ADAMTS17: variants seen among roughly 807,000 people sequenced by gnomAD.
ADAMTS17 encodes the protein A disintegrin and metalloproteinase with thrombospondin motifs 17.
Under a neutral mutation model 141.5 loss-of-function variants are expected in ADAMTS17, and 113 were observed. That is an observed-to-expected ratio of 0.80 (90% CI 0.69 to 0.93). ADAMTS17 has a LOEUF of 0.93. ADAMTS17 is among the 40% of genes least tolerant of loss of function. The probability of loss-of-function intolerance (pLI) is 0.00; values close to 1 mark genes in which losing one functional copy is unlikely to be tolerated. For missense variants in ADAMTS17, 1,659 were observed against 1,517.9 expected (o/e 1.09, Z -1.54); for synonymous variants, 768 against 630.6 (o/e 1.22, Z -3.27).
intron 13 of ADAMTS17, among the ~76,000 whole-genome samples, chr15:100,112,319 G>C (rs895710975): frequency 8.5e-5 from 13 of 152,124 alleles, no homozygotes; most frequent in Non-Finnish European, 1.8e-4. Context: ...GGACACTCAG[G>C]CTCCAGAACA....
At chr15:100,219,421 T>C (rs1008519808) in intron 7 of ADAMTS17, among the ~76,000 whole-genome samples, 1 of 152,208 alleles carries the variant, frequency 6.6e-6, no homozygotes, top group African/African-American at 2.4e-5. Flanking sequence ...AAAAGCAATG[T>C]TTTTTCCTAC....
chr15:100,067,787 C>T (rs535913261), intron 15 of ADAMTS17, among the ~76,000 whole-genome samples: 49 of 152,230 alleles, frequency 3.2e-4, no homozygotes, highest in African/African-American at 1.1e-3. Flanking sequence ...CCAAGATGGC[C>T]GAATAGGAAC....
At chr15:100,110,087 A>G (rs57545798) in intron 13 of ADAMTS17, among the ~76,000 whole-genome samples, 46,583 of 150,284 alleles carry the variant, frequency 0.31, 7,147 homozygotes, top group East Asian at 0.37. Flanking sequence ...GGGTCTGTGA[A>G]CTCTTAGAGG....
At chr15:100,231,065 G>A (rs1236584809) in intron 7 of ADAMTS17, among the ~76,000 whole-genome samples, 4 of 152,360 alleles carry the variant, frequency 2.6e-5, no homozygotes, top group Non-Finnish European at 5.9e-5. Context: ...AACACAGAGA[G>A]AGCGCCTGCA....
intron 3 of ADAMTS17, among the ~76,000 whole-genome samples, chr15:100,311,012 C>G (rs566049639): frequency 3.3e-5 from 5 of 152,352 alleles, no homozygotes; most frequent in Admixed American, 3.3e-4. Flanking sequence ...AGACTTTCTG[C>G]TAGGCTTTTC....
rs562711203 is a variant in ADAMTS17 at position 100,173,000 on chromosome 15, T to C, written c.1182-17680A>G. Among the ~76,000 whole-genome samples the C allele has an allele frequency of 5.3e-5, 8 of 152,184 alleles. No individual in the cohort carries two copies. In the South Asian group the frequency reaches 1.7e-3, roughly 32 times the overall value. Reference sequence around the variant, plus strand: ...GTGCTTCTCAAACTTCTGTGCACATTAGAATCTCCTGGAAGGCTTGGGAAA... The same window carrying C: ...GTGCTTCTCAAACTTCTGTGCACATCAGAATCTCCTGGAAGGCTTGGGAAA... On this transcript the variant is annotated intron_variant, in intron 8 of 21. Coordinates refer to ENST00000268070, the MANE Select transcript of ADAMTS17 (RefSeq NM_139057.4).
rs2040860649 is a variant in ADAMTS17, at chr15:100,190,021, C to T, written c.1181+9297G>A. Among the ~76,000 whole-genome samples, 4 of 152,304 alleles carry T rather than the reference C, an allele frequency of 2.6e-5. No individual in the cohort carries two copies. In the South Asian group the frequency reaches 8.3e-4, roughly 32 times the overall value. On this transcript the variant is annotated intron_variant, in intron 8 of 21. Coordinates refer to ENST00000268070, the MANE Select transcript of ADAMTS17 (RefSeq NM_139057.4). The stretch of plus-strand genomic sequence containing the variant: ...GCCTTCCTCTCATTGGCTGCTGATA[C>T]CAATCACAAGTGAGGTGTGAGTCAC...
intron 8 of ADAMTS17, among the ~76,000 whole-genome samples, chr15:100,174,925 C>T (rs2040283035): frequency 6.6e-6 from 1 of 152,182 alleles, no homozygotes; most frequent in Non-Finnish European, 1.5e-5. Context: ...AAAAGGTGTT[C>T]CATACAAAAA....
At chr15:100,265,564 G>A (rs1422600195) in intron 4 of ADAMTS17, among the ~76,000 whole-genome samples, 1 of 152,202 alleles carries the variant, frequency 6.6e-6, no homozygotes, top group African/African-American at 2.4e-5. Context: ...GCTAGGCAAT[G>A]TAGGGACACA....
At chr15:100,326,431 T>C (rs1235056356) in intron 3 of ADAMTS17, among the ~76,000 whole-genome samples, 2 of 152,194 alleles carry the variant, frequency 1.3e-5, no homozygotes, top group East Asian at 3.8e-4. Flanking sequence ...GGATTGGCCC[T>C]TGCTGAGCAA....
intron 2 of ADAMTS17, among the ~76,000 whole-genome samples, chr15:100,337,133 C>T (rs914699609): frequency 6.6e-6 from 1 of 152,244 alleles, no homozygotes; most frequent in Non-Finnish European, 1.5e-5. Flanking sequence ...CTCGGCCTTC[C>T]AAAGTGCTGG....
At chr15:100,262,494 A>G in intron 4 of ADAMTS17, 59 bp from the exon 5 acceptor site, 1 of 1,330,934 alleles carries the variant, frequency 7.5e-7, no homozygotes, top group South Asian at 1.2e-5. Flanking sequence ...AAAATACAGT[A>G]GTATCCTAGA....
chr15:100,040,687 A>G (rs2031169713), intron 18 of ADAMTS17, among the ~76,000 whole-genome samples: 1 of 152,070 alleles, frequency 6.6e-6, no homozygotes. Context: ...ACCAAAAAAA[A>G]AAAAAAACCT....
chr15:100,177,518 G>A (rs369920623), intron 8 of ADAMTS17, among the ~76,000 whole-genome samples: 1 of 152,086 alleles, frequency 6.6e-6, no homozygotes, highest in Admixed American at 6.5e-5. Context: ...TACCTTACAC[G>A]ATCTCAATTC....
At chr15:100,179,974 G>A (rs1333615571) in intron 8 of ADAMTS17, among the ~76,000 whole-genome samples, 1 of 152,018 alleles carries the variant, frequency 6.6e-6, no homozygotes, top group Non-Finnish European at 1.5e-5. Context: ...CATTCTGTGG[G>A]GTGTCTCTTC....
chr15:100,307,625 C>A (rs909774865), intron 3 of ADAMTS17, among the ~76,000 whole-genome samples: 1 of 152,218 alleles, frequency 6.6e-6, no homozygotes, highest in East Asian at 1.9e-4. Flanking sequence ...TCCCTAAATG[C>A]CCCTTCATGT....
chr15:100,122,587 C>T (rs543049668), intron 12 of ADAMTS17, among the ~76,000 whole-genome samples: 1 of 152,290 alleles, frequency 6.6e-6, no homozygotes, highest in African/African-American at 2.4e-5. Context: ...ACTTTTAACA[C>T]CCCCAAAATT....
At position 100,214,035 on chromosome 15, in the gene ADAMTS17, G is replaced by A. The variant is rs539743530; in HGVS notation, c.1076-14612C>T. 1.4e-3 allele frequency among the ~76,000 whole-genome samples: 213 copies of A among 152,352 alleles called. 6 individuals are homozygous for A. In the South Asian group the frequency reaches 0.043, roughly 31 times the overall value. On this transcript the variant is annotated intron_variant, in intron 7 of 21. Coordinates refer to ENST00000268070, the MANE Select transcript of ADAMTS17 (RefSeq NM_139057.4). ...GGGGCAAGAAAGATGACTAGTTACGGAGAGTGAGGGTTGTTTTTGTTTTTT... is the reference window on the plus strand; with the variant it reads ...GGGGCAAGAAAGATGACTAGTTACGAAGAGTGAGGGTTGTTTTTGTTTTTT...
intron 15 of ADAMTS17, among the ~76,000 whole-genome samples, chr15:100,068,997 A>G (rs2033767451): frequency 6.6e-6 from 1 of 152,222 alleles, no homozygotes; most frequent in Non-Finnish European, 1.5e-5. Context: ...AACCTTGAAA[A>G]AAGATTACAT....
Sources: gnomAD v4.1 joint callset for allele counts (sites outside exome capture counted in the v4.1 genomes callset) on GRCh38, gnomAD v4.1.1 for gene constraint, MANE v1.5 for transcripts, NCBI Gene and HGNC (gene_info 2026-07-23, HGNC 2026-07-21) for gene names.